The following HOXA3 variants were observed in gnomAD, a reference collection of about 807,000 sequenced individuals.
HOXA3 encodes the protein homeobox protein Hox-A3.
A neutral mutation model predicts 30.3 loss-of-function variants in HOXA3; 8 were observed. The ratio of observed to expected loss-of-function variants is 0.26; its 90% CI spans 0.15 to 0.48. HOXA3 has a LOEUF of 0.48. Among genes scored for constraint, HOXA3 ranks in the 20% least tolerant of loss-of-function variants. The pLI is 0.99. For synonymous variants in HOXA3, 323 were observed against 273.1 expected, an observed-to-expected ratio of 1.18 and a Z score of -1.80; for missense variants, 653 against 614.4, an observed-to-expected ratio of 1.06 and a Z score of -0.66.
chr7:27,128,139 G>T (rs927474538), intron 2 of HOXA3: 5 of 152,240 alleles, frequency 3.3e-5, no homozygotes, highest in African/African-American at 1.2e-4. Flanking sequence ...AGTTCAGTGT[G>T]TAGAACAGCT....
chr7:27,145,710 A>C (rs375876584), intron 1 of HOXA3: 8 of 1,614,026 alleles, frequency 5.0e-6, no homozygotes, highest in Non-Finnish European at 6.8e-6. Context: ...CGTGGAATTG[A>C]TGAGCTTGTT....
At chr7:27,114,215 CTCCCAGGCG>C (rs1784550012) in intron 4 of HOXA3, among the ~76,000 whole-genome samples, 1 of 152,008 alleles carries the variant, frequency 6.6e-6, no homozygotes, top group Admixed American at 6.5e-5. Flanking sequence ...CCCTCTCCTG[CTCCCAGGCG>C]TCACGAAAGT....
chr7:27,130,479 AG>A (rs1259827612), intron 2 of HOXA3: 19 of 1,260,608 alleles, frequency 1.5e-5, no homozygotes, highest in Non-Finnish European at 1.8e-5. Context: ...GCGCGGCAGC[AG>A]GGTAGGCGGG....
intron 1 of HOXA3, chr7:27,141,945 A>G (rs975455423): frequency 3.7e-6 from 6 of 1,614,176 alleles, no homozygotes; most frequent in Non-Finnish European, 4.2e-6. Context: ...TGTCTCTCGG[A>G]GAGGCAAAGA....
At chr7:27,133,902 A>G (rs910492879) in intron 2 of HOXA3, among the ~76,000 whole-genome samples, 2 of 152,194 alleles carry the variant, frequency 1.3e-5, no homozygotes, top group African/African-American at 4.8e-5. Context: ...TGTTAGACGC[A>G]CTGACCTGAA....
intron 4 of HOXA3, chr7:27,122,252 T>C (rs993447466): frequency 1.3e-5 from 2 of 152,218 alleles, no homozygotes; most frequent in Non-Finnish European, 2.9e-5. Context: ...TTCAGTGTAG[T>C]GGTTTGTTTG....
intron 2 of HOXA3, among the ~76,000 whole-genome samples, chr7:27,131,560 C>A (rs1583398336): frequency 6.6e-6 from 1 of 152,270 alleles, no homozygotes; most frequent in East Asian, 1.9e-4. Context: ...AAAATTGGAA[C>A]CTTCGTAATA....
chr7:27,128,889 C>A, intron 2 of HOXA3: 1 of 350,852 alleles, frequency 2.9e-6, no homozygotes, highest in Non-Finnish European at 5.3e-6. Context: ...AGTGTATGTC[C>A]CCACTCAGCA....
At chr7:27,128,643 G>C (rs1465158685) in intron 2 of HOXA3, 1 of 159,160 alleles carries the variant, frequency 6.3e-6, no homozygotes, top group African/African-American at 2.4e-5. Context: ...TGCCCCAGAA[G>C]GGGACAACAG....
intron 4 of HOXA3, among the ~76,000 whole-genome samples, chr7:27,116,924 A>C (rs1468707337): frequency 6.6e-6 from 1 of 152,170 alleles, no homozygotes; most frequent in Non-Finnish European, 1.5e-5. Flanking sequence ...AATCCCACTC[A>C]AGTAGGGGAT....
intron 1 of HOXA3, among the ~76,000 whole-genome samples, chr7:27,146,245 GTGTGTT>G (rs2128062246): frequency 2.6e-5 from 2 of 77,402 alleles, no homozygotes; most frequent in East Asian, 6.6e-4. Flanking sequence ...GGGTGTGTGT[GTGTGTT>G]TGTGTGTGTG....
In HOXA3 at chr7:27,113,662, C is replaced by T. The variant is rs7798733; in HGVS notation, c.-120-2902G>A. 10,986 of 152,282 alleles carry T rather than the reference C, an allele frequency of 0.072. 647 individuals carry two copies. The highest frequency in any genetic ancestry group is 0.24 in the East Asian group (1,256 of 5,150). The allele number at this position is 152,282 out of a possible 1,614,324, so 9.4% of individuals were successfully genotyped here. A position where few individuals can be genotyped will look rare whatever the true frequency, so the allele number is the denominator to read the frequency against. ...CGAGCGCAGGCTCGGGCTCAGGCTC[C>T]GACACGGGCTCTGGCCCCCGGCCTG... On this transcript the variant is annotated intron_variant, in intron 4 of 5. Transcript: ENST00000612286. This position sits in a 1 kb window ranked among gnomAD's most constrained non-coding sequence, Gnocchi z 4.8.
intron 4 of HOXA3, among the ~76,000 whole-genome samples, chr7:27,121,545 T>C (rs1345118577): frequency 3.9e-5 from 6 of 152,148 alleles, no homozygotes; most frequent in South Asian, 2.1e-4. Context: ...TTACCTTCTA[T>C]TGGAAAAAAT....
At chr7:27,143,971 C>T (rs927838237) in intron 1 of HOXA3, among the ~76,000 whole-genome samples, 1 of 152,208 alleles carries the variant, frequency 6.6e-6, no homozygotes, top group African/African-American at 2.4e-5. Flanking sequence ...GCTGCAAGGG[C>T]CGGGGTCGAA....
intron 2 of HOXA3, among the ~76,000 whole-genome samples, chr7:27,139,046 C>A (rs1785805360): frequency 6.6e-6 from 1 of 152,052 alleles, no homozygotes; most frequent in Admixed American, 6.5e-5. Flanking sequence ...TCCAGGGGGC[C>A]GCCTAAGTTG....
intron 4 of HOXA3, 59 bp from the exon 5 acceptor site, chr7:27,110,819 A>G (rs745803127): frequency 1.6e-5 from 13 of 820,282 alleles, no homozygotes; most frequent in Non-Finnish European, 2.4e-5. Flanking sequence ...CTTACTCTCA[A>G]TAGCTAAGTG....
chr7:27,114,834 AT>A lies in HOXA3; in HGVS notation c.-120-4075del, dbSNP rs1287842253. On this transcript the variant is annotated intron_variant, in intron 4 of 5. Coordinates refer to ENST00000612286, the MANE Select transcript of HOXA3 (RefSeq NM_153631.3). ...AAACATACATATATATATAATATAT[AT>A]TATATATATAATATATATTATATAT... Among the ~76,000 whole-genome samples, 8 of 93,676 alleles carry A rather than the reference AT, an allele frequency of 8.5e-5. 1 individual carries two copies. The highest frequency in any genetic ancestry group is 1.6e-4 in the African/African-American group (4 of 25,792). The allele number at this position is 93,676 out of a possible 152,430, so 61.5% of individuals were successfully genotyped here.
chr7:27,108,790 C>G lies in HOXA3; in HGVS notation c.527-70G>C. ...GCCCCGCCCAGCCCCTGACCCAGCCCGGCCCCTCCTTCCACCAGGCCCCAA... is the reference window on the plus strand; with the variant it reads ...GCCCCGCCCAGCCCCTGACCCAGCCGGGCCCCTCCTTCCACCAGGCCCCAA... On this transcript the variant is annotated intron_variant, in intron 5 of 5. Coordinates refer to ENST00000612286, the MANE Select transcript of HOXA3 (RefSeq NM_153631.3). The surrounding 1 kb of genome is among the most constrained non-coding windows in gnomAD (Gnocchi z 5.0). 8.1e-7 allele frequency: 1 copy of G among 1,241,304 alleles called. No homozygotes were observed. The highest frequency in any genetic ancestry group is 1.1e-6 in the Non-Finnish European group (1 of 905,636). The allele number at this position is 1,241,304 out of a possible 1,614,324, so 76.9% of individuals were successfully genotyped here.
At chr7:27,139,534 C>T (rs889338242) in intron 2 of HOXA3, among the ~76,000 whole-genome samples, 9 of 152,270 alleles carry the variant, frequency 5.9e-5, no homozygotes, top group Non-Finnish European at 1.2e-4. Flanking sequence ...CCAAATGACC[C>T]CGGCCCGCGA....
Sources: allele counts gnomAD v4.1 joint callset (sites outside exome capture counted in the v4.1 genomes callset), GRCh38; gene constraint gnomAD v4.1.1; non-coding constraint Gnocchi (gnomAD v3.1); transcripts MANE v1.5; gene names NCBI Gene and HGNC (gene_info 2026-07-23, HGNC 2026-07-21).